Variants in PDE7B observed in about 807,000 individuals in gnomAD.
PDE7B encodes phosphodiesterase 7B.
Under a neutral mutation model 56.2 loss-of-function variants are expected in PDE7B, and 29 were observed. That is an observed-to-expected ratio of 0.52 (90% confidence interval 0.38 to 0.70). PDE7B has a LOEUF of 0.70. PDE7B is among the 30% of genes least tolerant of loss of function. PDE7B has a pLI of 0.00. For synonymous variants in PDE7B, 197 were observed against 196.9 expected (o/e 1.00, Z 0.00); for missense variants, 490 against 565.0 (o/e 0.87, Z 1.35).
chr6:136,096,428 C>T (rs1325920397), intron 2 of PDE7B: 1 of 148,840 alleles, frequency 6.7e-6, no homozygotes, highest in Non-Finnish European at 1.5e-5. Context: ...TTTTATCTTA[C>T]TAGTTATATT....
intron 1 of PDE7B, among the ~76,000 whole-genome samples, chr6:135,947,201 CT>C (rs1319786384): frequency 6.6e-5 from 10 of 152,096 alleles, no homozygotes; most frequent in Admixed American, 6.6e-4. Flanking sequence ...CCAAATGCAT[CT>C]CTAGTCGTGA....
chr6:135,860,305 CTAAGAA>C (rs1438499100), intron 1 of PDE7B, among the ~76,000 whole-genome samples: 1 of 151,930 alleles, frequency 6.6e-6, no homozygotes, highest in Non-Finnish European at 1.5e-5. Context: ...CTTAATCATT[CTAAGAA>C]TGAGTTAGGA....
chr6:135,938,932 T>C (rs912254883), intron 1 of PDE7B, among the ~76,000 whole-genome samples: 9 of 152,222 alleles, frequency 5.9e-5, no homozygotes, highest in Non-Finnish European at 1.5e-5. Flanking sequence ...CAAGTTTTGG[T>C]TCATAATAAG....
At chr6:136,034,909 G>A (rs75061185) in intron 2 of PDE7B, 2,163 of 152,364 alleles carry the variant, frequency 0.014, 60 homozygotes, top group African/African-American at 0.048. Context: ...CCCTCAACAA[G>A]TAACAGTACT....
At chr6:135,978,965 G>A (rs1751027542) in intron 2 of PDE7B, among the ~76,000 whole-genome samples, 2 of 151,984 alleles carry the variant, frequency 1.3e-5, no homozygotes, top group South Asian at 4.1e-4. Flanking sequence ...CAGATTTCAA[G>A]GGAATGCTTC....
Position 135,926,441 on chromosome 6 carries a change from TATG to T in PDE7B, c.22-21020_22-21018del, listed in dbSNP as rs1257588313. 5.3e-5 allele frequency among the ~76,000 whole-genome samples: 8 copies of T among 151,694 alleles called. No individual in the cohort carries two copies. In the East Asian group the frequency reaches 1.6e-3, roughly 30 times the overall value. On this transcript the variant is annotated intron_variant, in intron 1 of 12. Transcript: ENST00000308191. The stretch of plus-strand genomic sequence containing the variant: ...GGAAGAGTGGGCGGTCACAAGGAAA[TATG>T]ATTAGAGGACAAAGGGTGTGGTCTA...
chr6:135,965,330 TGCA>T (rs1291578815), intron 2 of PDE7B, among the ~76,000 whole-genome samples: 1 of 152,110 alleles, frequency 6.6e-6, no homozygotes, highest in Non-Finnish European at 1.5e-5. Context: ...GCTCAGGATC[TGCA>T]GCAACTGTCC....
chr6:135,961,235 T>A (rs2128201417), intron 2 of PDE7B, among the ~76,000 whole-genome samples: 1 of 151,174 alleles, frequency 6.6e-6, no homozygotes, highest in South Asian at 2.1e-4. Flanking sequence ...AAATTGCAAT[T>A]GTTGGGTCAT....
chr6:136,055,057 G>A (rs1186837786), intron 2 of PDE7B, among the ~76,000 whole-genome samples: 1 of 152,160 alleles, frequency 6.6e-6, no homozygotes, highest in Non-Finnish European at 1.5e-5. Flanking sequence ...TTCATTGTGA[G>A]GGTCTGTAAA....
At chr6:135,938,467 C>A (rs972574496) in intron 1 of PDE7B, among the ~76,000 whole-genome samples, 2 of 152,130 alleles carry the variant, frequency 1.3e-5, no homozygotes, top group African/African-American at 4.8e-5. Flanking sequence ...ACAATTATTC[C>A]CAAAGTACCT....
At chr6:136,146,814 A>G (rs1257428727) in intron 3 of PDE7B, among the ~76,000 whole-genome samples, 1 of 152,230 alleles carries the variant, frequency 6.6e-6, no homozygotes, top group Non-Finnish European at 1.5e-5. Context: ...TAATTCATAT[A>G]TTTCATGGCC....
At chr6:135,989,369 T>A (rs1036868609) in intron 2 of PDE7B, among the ~76,000 whole-genome samples, 1 of 152,146 alleles carries the variant, frequency 6.6e-6, no homozygotes, top group Admixed American at 6.5e-5. Context: ...ATCCCAACAC[T>A]TTGGAAGGCA....
At chr6:136,116,599 T>C (rs931277258) in intron 3 of PDE7B, among the ~76,000 whole-genome samples, 1 of 152,022 alleles carries the variant, frequency 6.6e-6, no homozygotes, top group African/African-American at 2.4e-5. Flanking sequence ...ATCTGAAAAA[T>C]TGGAGCTGAG....
intron 2 of PDE7B, among the ~76,000 whole-genome samples, chr6:135,975,135 T>C (rs1190006061): frequency 1.3e-5 from 2 of 151,674 alleles, no homozygotes; most frequent in Non-Finnish European, 2.9e-5. Context: ...CCAACTCCAG[T>C]CGTTTTTTTT....
In PDE7B at chr6:135,897,286, GT is replaced by G. The variant is rs1271455207; in HGVS notation, c.21+45268del. On this transcript the variant is annotated intron_variant, in intron 1 of 12. Transcript: ENST00000308191. ...AGGGTGTGTGTGTGTGTGTGTGTGT[GT>G]GGGTATGTGTGTAGGCGGAGGAAGG... Among the ~76,000 whole-genome samples the G allele has an allele frequency of 1.2e-4, 19 of 152,140 alleles. No homozygotes were observed. The East Asian group carries it at 1.5e-3, about 12-fold the overall frequency.
chr6:136,151,095 A>C, intron 5 of PDE7B, 65 bp from the exon 6 acceptor site: 2 of 831,472 alleles, frequency 2.4e-6, no homozygotes, highest in Non-Finnish European at 4.1e-6. Flanking sequence ...TTTAGGTCTT[A>C]TTGTCAATCT....
chr6:136,079,208 T>C (rs1055812662), intron 2 of PDE7B, among the ~76,000 whole-genome samples: 1 of 152,170 alleles, frequency 6.6e-6, no homozygotes, highest in South Asian at 2.1e-4. Flanking sequence ...CAAACCTTCC[T>C]AAGTCAGTGA....
intron 2 of PDE7B, among the ~76,000 whole-genome samples, chr6:135,967,796 A>T (rs576496366): frequency 1.3e-5 from 2 of 152,212 alleles, no homozygotes; most frequent in African/African-American, 4.8e-5. Flanking sequence ...TCGTATAAGG[A>T]GAAGACTAAA....
At chr6:136,028,947 CA>C (rs1776194350) in intron 2 of PDE7B, among the ~76,000 whole-genome samples, 1 of 152,136 alleles carries the variant, frequency 6.6e-6, no homozygotes, top group Admixed American at 6.5e-5. Context: ...CATGTTTGTG[CA>C]ACAATATGAC....
Sources: gnomAD v4.1 joint callset for allele counts (sites outside exome capture counted in the v4.1 genomes callset) on GRCh38, gnomAD v4.1.1 for gene constraint, MANE v1.5 for transcripts, NCBI Gene and HGNC (gene_info 2026-07-23, HGNC 2026-07-21) for gene names.